PPP3CA: variants seen among roughly 807,000 people sequenced by gnomAD.
PPP3CA encodes CAM-PRP catalytic subunit.
PPP3CA carries 14 observed loss-of-function variants against 66.5 expected under a neutral mutation model. The ratio of observed to expected loss-of-function variants is 0.21; its 90% CI spans 0.14 to 0.33. The LOEUF (loss-of-function observed/expected upper bound fraction) is 0.33, where lower values mean the gene tolerates loss of function less well. Among genes scored for constraint, PPP3CA ranks in the 10% least tolerant of loss-of-function variants. The pLI is 1.00. For missense variants in PPP3CA, 317 were observed against 639.5 expected (o/e 0.50, Z 5.44); for synonymous variants, 232 against 226.2 (o/e 1.03, Z -0.23).
intron 2 of PPP3CA, among the ~76,000 whole-genome samples, chr4:101,150,740 C>T (rs1376608184): frequency 6.6e-6 from 1 of 152,132 alleles, no homozygotes; most frequent in Non-Finnish European, 1.5e-5. Flanking sequence ...AGTCTAAATG[C>T]TCTACAGAGC....
At chr4:101,099,332 C>A (rs1366302225) in intron 4 of PPP3CA, among the ~76,000 whole-genome samples, 1 of 152,074 alleles carries the variant, frequency 6.6e-6, no homozygotes, top group Admixed American at 6.6e-5. Flanking sequence ...AATTATTGTT[C>A]CAAACAGTAG....
chr4:101,286,626 T>C (rs905172580), intron 1 of PPP3CA, among the ~76,000 whole-genome samples: 30 of 152,188 alleles, frequency 2.0e-4, no homozygotes, highest in Admixed American at 1.7e-3. Flanking sequence ...ACCAAACTCA[T>C]AGCATCTGCT....
chr4:101,322,659 C>T (rs1469155838), intron 1 of PPP3CA, among the ~76,000 whole-genome samples: 1 of 152,116 alleles, frequency 6.6e-6, no homozygotes, highest in African/African-American at 2.4e-5. Context: ...ATCCGTCCGA[C>T]CCAGCCTCCC....
chr4:101,198,161 T>C (rs1027389466), intron 1 of PPP3CA, among the ~76,000 whole-genome samples: 1 of 152,014 alleles, frequency 6.6e-6, no homozygotes, highest in African/African-American at 2.4e-5. Context: ...AAGAGGAAAT[T>C]AGGTCATTAA....
In PPP3CA at chr4:101,050,316, G is replaced by A. The variant is rs112927499; in HGVS notation, c.1157-9750C>T. The stretch of plus-strand genomic sequence containing the variant: ...GCTCTGGTCCTACTGCAAAGCTTCA[G>A]ATCACAAATACTTGGCTTCTCCACT... On this transcript the variant is annotated intron_variant, in intron 10 of 13. Transcript: ENST00000394854. 2.1e-3 allele frequency among the ~76,000 whole-genome samples: 323 copies of A among 152,172 alleles called. 2 individuals are homozygous for A. The highest frequency in any genetic ancestry group is 7.2e-3 in the African/African-American group (300 of 41,538).
intron 9 of PPP3CA, 51 bp downstream of exon 9, chr4:101,063,181 C>A (rs1394972136): frequency 2.5e-6 from 4 of 1,580,466 alleles, no homozygotes; most frequent in Non-Finnish European, 3.5e-6. Context: ...ATCTCCTTTC[C>A]TTCCTTCCTA....
intron 10 of PPP3CA, among the ~76,000 whole-genome samples, chr4:101,048,603 A>C (rs900016475): frequency 3.3e-5 from 5 of 151,310 alleles, no homozygotes; most frequent in African/African-American, 1.2e-4. Context: ...CAACAAGTGA[A>C]AAAAATCCTG....
intron 2 of PPP3CA, among the ~76,000 whole-genome samples, chr4:101,194,219 A>C (rs964039749): frequency 1.3e-5 from 2 of 152,196 alleles, no homozygotes; most frequent in Admixed American, 1.3e-4. Context: ...CCAGACAAAA[A>C]TAAAATGTAA....
At chr4:101,334,605 G>A (rs1729567398) in intron 1 of PPP3CA, among the ~76,000 whole-genome samples, 1 of 152,100 alleles carries the variant, frequency 6.6e-6, no homozygotes, top group African/African-American at 2.4e-5. Flanking sequence ...AGTTACTTCT[G>A]AAATATCTAT....
At chr4:101,091,603 T>C (rs1729945044) in intron 6 of PPP3CA, among the ~76,000 whole-genome samples, 1 of 151,950 alleles carries the variant, frequency 6.6e-6, no homozygotes, top group East Asian at 1.9e-4. Flanking sequence ...AAAAACTTTT[T>C]TTCCCCCATA....
chr4:101,193,057 C>T (rs909019131), intron 2 of PPP3CA, among the ~76,000 whole-genome samples: 6 of 152,192 alleles, frequency 3.9e-5, no homozygotes, highest in Non-Finnish European at 8.8e-5. Flanking sequence ...TGGATACTTC[C>T]TAATTTGCTT....
intron 1 of PPP3CA, among the ~76,000 whole-genome samples, chr4:101,280,077 T>C (rs992180577): frequency 2.0e-5 from 3 of 152,162 alleles, no homozygotes; most frequent in Non-Finnish European, 2.9e-5. Flanking sequence ...CCAGGCACTG[T>C]AGTAAGAAAT....
chr4:101,025,513 T>C lies in PPP3CA; in HGVS notation c.*352A>G, dbSNP rs1026164287. The C allele has an allele frequency of 2.4e-5, 4 of 166,696 alleles. No individual in the cohort carries two copies. Among genetic ancestry groups the C allele is most frequent in the African/African-American group, 9.5e-5 (4 of 41,978 alleles). The allele number at this position is 166,696 out of a possible 1,614,324, so 10.3% of individuals were successfully genotyped here. ...TGTCCAGTAACAGAATAAAAGGCCT[T>C]TCATTAACCTATCTAGAAGTCCCCA... On this transcript the variant is annotated 3_prime_UTR_variant, in exon 14 of 14. Coordinates refer to ENST00000394854, the MANE Select transcript of PPP3CA (RefSeq NM_000944.5).
intron 1 of PPP3CA, among the ~76,000 whole-genome samples, chr4:101,253,393 A>G (rs1376467800): frequency 6.6e-6 from 1 of 152,172 alleles, no homozygotes; most frequent in African/African-American, 2.4e-5. Flanking sequence ...AAGATTAAAG[A>G]AAGACAATGA....
At chr4:101,026,451 G>A (rs1726654993) in intron 13 of PPP3CA, among the ~76,000 whole-genome samples, 1 of 152,182 alleles carries the variant, frequency 6.6e-6, no homozygotes, top group Non-Finnish European at 1.5e-5. Flanking sequence ...TAGACAGGCT[G>A]CAGCATGTCC....
chr4:101,290,112 T>C (rs965055993), intron 1 of PPP3CA, among the ~76,000 whole-genome samples: 1 of 152,144 alleles, frequency 6.6e-6, no homozygotes, highest in Non-Finnish European at 1.5e-5. Flanking sequence ...ATGAGTGACA[T>C]AAAGTTAAAA....
At chr4:101,265,374 G>T (rs1727138265) in intron 1 of PPP3CA, among the ~76,000 whole-genome samples, 2 of 152,136 alleles carry the variant, frequency 1.3e-5, no homozygotes, top group African/African-American at 4.8e-5. Context: ...CTCCCAAACT[G>T]CTGGGATTAC....
chr4:101,249,953 C>T (rs528067147), intron 1 of PPP3CA, among the ~76,000 whole-genome samples: 36 of 152,106 alleles, frequency 2.4e-4, no homozygotes, highest in Admixed American at 9.8e-4. Flanking sequence ...ATTACTGTTT[C>T]TTTACTTTTC....
chr4:101,119,914 C>T (rs1008526810), intron 2 of PPP3CA, among the ~76,000 whole-genome samples: 9 of 152,018 alleles, frequency 5.9e-5, no homozygotes, highest in Admixed American at 5.3e-4. Context: ...ACTATCACTT[C>T]CCTCAGTAAA....
Sources: allele counts gnomAD v4.1 joint callset (sites outside exome capture counted in the v4.1 genomes callset), GRCh38; gene constraint gnomAD v4.1.1; transcripts MANE v1.5; gene names NCBI Gene and HGNC (gene_info 2026-07-23, HGNC 2026-07-21).